The following ASB11 variants were observed in gnomAD, a reference collection of about 807,000 sequenced individuals.
ASB11 encodes ankyrin repeat and SOCS box protein 11.
Under a neutral mutation model 20.1 loss-of-function variants are expected in ASB11, and 17 were observed. The observed-to-expected ratio is 0.85, with a 90% CI of 0.58 to 1.27. The LOEUF (loss-of-function observed/expected upper bound fraction) is 1.27. Among genes scored for constraint, ASB11 ranks in the 50% most tolerant of loss-of-function variants. ASB11 has a pLI of 0.00. For missense variants in ASB11, 259 were observed against 256.9 expected, an observed-to-expected ratio of 1.01 and a Z score of -0.06; for synonymous variants, 107 against 105.6, an observed-to-expected ratio of 1.01 and a Z score of -0.08.
At chrX:15,285,867 T>C (rs1927369785) in intron 6 of ASB11, among the ~76,000 whole-genome samples, 1 of 110,248 alleles carries the variant, frequency 9.1e-6, no homozygotes, top group South Asian at 4.0e-4. Context: ...TAGCTGGGCG[T>C]GGTGGCACGC....
intron 6 of ASB11, among the ~76,000 whole-genome samples, chrX:15,286,849 G>A (rs1283312789): frequency 9.0e-6 from 1 of 111,218 alleles, no homozygotes; most frequent in African/African-American, 3.3e-5. Context: ...AATTCAGTGA[G>A]CTTGATCTAT....
At chrX:15,285,429 G>A (rs966286241) in intron 6 of ASB11, among the ~76,000 whole-genome samples, 6 of 110,003 alleles carry the variant, frequency 5.5e-5, no homozygotes, top group Admixed American at 3.9e-4. Flanking sequence ...GTGAGCCACC[G>A]CGCCCAGCCA....
rs1927438648 is a variant in ASB11, at chrX:15,288,024, G to C, written c.704C>G (p.Ala235Gly). The change falls in exon 6 of 7, where the codon GCA becomes GGA. Residue 235 changes from alanine (A) to glycine (G), a missense_variant. Transcript: ENST00000480796. The stretch of plus-strand genomic sequence containing the variant: ...GACCTCCACATTGGACTGCCTCGCT[G>C]CAGCATGGAGTGGGGTGTCCAGCCA... ...GQWLDTPLHA[A>G]ARQSNVEVIH... The C allele has an allele frequency of 8.3e-7, 1 of 1,210,573 alleles. No individual in the cohort carries two copies. Among genetic ancestry groups the C allele is most frequent in the Non-Finnish European group, 1.1e-6 (1 of 895,321 alleles).
At position 15,295,120 on chromosome X, in the gene ASB11, G is replaced by A. The variant is rs754721150; in HGVS notation, c.370-1800C>T. The stretch of plus-strand genomic sequence containing the variant: ...TGCAGTGGTGTGATCTCGGCTCACT[G>A]CAACCTCCGCCTCCTGGGTTCAAGA... On this transcript the variant is annotated intron_variant, in intron 3 of 6. Coordinates refer to ENST00000480796, the MANE Select transcript of ASB11 (RefSeq NM_080873.3). 3.5e-3 allele frequency among the ~76,000 whole-genome samples: 393 copies of A among 110,713 alleles called. 3 individuals carry two copies. Among genetic ancestry groups the A allele is most frequent in the Middle Eastern group, 0.032 (7 of 216 alleles).
At chrX:15,311,550 C>T (rs1213354910) in intron 1 of ASB11, among the ~76,000 whole-genome samples, 1 of 112,565 alleles carries the variant, frequency 8.9e-6, no homozygotes, top group Non-Finnish European at 1.9e-5. Flanking sequence ...ATTCAGAATG[C>T]TGAGTTAGGC....
At chrX:15,310,474 C>T (rs1191343876) in intron 1 of ASB11, among the ~76,000 whole-genome samples, 1 of 111,800 alleles carries the variant, frequency 8.9e-6, no homozygotes, top group Non-Finnish European at 1.9e-5. Flanking sequence ...TTTTTCATTT[C>T]CCCCTTTGAA....
chrX:15,292,390 GAAC>G (rs766333558), intron 4 of ASB11, among the ~76,000 whole-genome samples: 10 of 112,031 alleles, frequency 8.9e-5, no homozygotes, highest in African/African-American at 3.2e-4. Context: ...CAGTATAAGA[GAAC>G]AACTCCCTCA....
At chrX:15,285,047 C>A (rs1260957675) in intron 6 of ASB11, among the ~76,000 whole-genome samples, 2 of 111,524 alleles carry the variant, frequency 1.8e-5, no homozygotes, top group Non-Finnish European at 3.8e-5. Flanking sequence ...TCCTACTTAA[C>A]CTCCTCTGCA....
chrX:15,285,140 CTTTTTTTTTT>C (rs767822616), intron 6 of ASB11, among the ~76,000 whole-genome samples: 3 of 81,569 alleles, frequency 3.7e-5, no homozygotes, highest in African/African-American at 9.2e-5. Flanking sequence ...TTTAATCTTT[CTTTTTTTTTT>C]TTTTTTTTTT....
At chrX:15,288,968 T>C (rs1164865056) in intron 5 of ASB11, among the ~76,000 whole-genome samples, 3 of 111,841 alleles carry the variant, frequency 2.7e-5, no homozygotes, top group Admixed American at 9.6e-5. Context: ...AATGACTAGA[T>C]ACTGTAGCAG....
At chrX:15,288,101 C>T (rs1431682406) in intron 5 of ASB11, 29 bp from the exon 6 acceptor site, 2 of 1,176,689 alleles carry the variant, frequency 1.7e-6, no homozygotes. Flanking sequence ...CACAATTCAA[C>T]ACTAAATGTA....
At chrX:15,287,681 T>C (rs1569168801) in intron 6 of ASB11, among the ~76,000 whole-genome samples, 200 bp downstream of exon 6, 1 of 112,771 alleles carries the variant, frequency 8.9e-6, no homozygotes, top group Non-Finnish European at 1.9e-5. Context: ...TGGTTATAGG[T>C]AAATGCCCTT....
chrX:15,295,529 T>G (rs1161692646), intron 3 of ASB11, among the ~76,000 whole-genome samples: 1 of 111,287 alleles, frequency 9.0e-6, no homozygotes, highest in African/African-American at 3.3e-5. Flanking sequence ...GGATGTTTCT[T>G]TCACCAGGCC....
At position 15,293,099 on chromosome X, in the gene ASB11, C is replaced by T; in HGVS notation, c.520+71G>A. On this transcript the variant is annotated intron_variant, in intron 4 of 6. Coordinates refer to ENST00000480796, the MANE Select transcript of ASB11 (RefSeq NM_080873.3). ...CAGGGTCACCCTTGAATGACTAACA[C>T]TAGACCATTGATTCATACAGATTGG... 1.1e-5 allele frequency: 13 copies of T among 1,143,244 alleles called. 1 individual carries two copies. Among genetic ancestry groups the T allele is most frequent in the South Asian group, 8.2e-5 (4 of 48,758 alleles). The allele number at this position is 1,143,244 out of a possible 1,213,427, so 94.2% of individuals were successfully genotyped here.
At chrX:15,296,267 G>GA (rs58628495) in intron 3 of ASB11, among the ~76,000 whole-genome samples, 7,324 of 87,635 alleles carry the variant, frequency 0.084, 367 homozygotes, top group East Asian at 0.26. Flanking sequence ...TAAAAAGATG[G>GA]AAAAAAAAAA....
intron 5 of ASB11, 125 bp from the exon 6 acceptor site, chrX:15,288,197 T>TA: frequency 1.4e-6 from 1 of 740,500 alleles, no homozygotes; most frequent in Non-Finnish European, 1.9e-6. Context: ...TGTTTGAAAA[T>TA]ATGCAACTCA....
intron 1 of ASB11, among the ~76,000 whole-genome samples, chrX:15,309,041 C>T (rs1452106550): frequency 9.0e-6 from 1 of 111,346 alleles, no homozygotes; most frequent in Non-Finnish European, 1.9e-5. Context: ...CTCAGCCTCC[C>T]GAGTAGCTGG....
At chrX:15,313,774 G>A (rs1921514886) in intron 1 of ASB11, among the ~76,000 whole-genome samples, 2 of 111,203 alleles carry the variant, frequency 1.8e-5, no homozygotes, top group South Asian at 3.7e-4. Flanking sequence ...ACTTGAGGCC[G>A]GGCGCGGTGG....
intron 4 of ASB11, among the ~76,000 whole-genome samples, chrX:15,291,234 A>G (rs1483615265): frequency 9.0e-6 from 1 of 111,689 alleles, no homozygotes; most frequent in Admixed American, 9.6e-5. Context: ...CACACAAATT[A>G]TGTGTTTATT....
Sources: allele counts gnomAD v4.1 joint callset (sites outside exome capture counted in the v4.1 genomes callset), GRCh38; gene constraint gnomAD v4.1.1; transcripts MANE v1.5; gene names NCBI Gene and HGNC (gene_info 2026-07-23, HGNC 2026-07-21).